The following FOXP1 variants were observed in gnomAD, a reference collection of about 807,000 sequenced individuals.
The protein encoded by FOXP1 is forkhead box protein P1.
In FOXP1, 15 loss-of-function variants were observed where a neutral mutation model predicts 98.2. The ratio of observed to expected loss-of-function variants is 0.15; its 90% CI spans 0.10 to 0.24. The LOEUF (loss-of-function observed/expected upper bound fraction) is 0.24, where lower values mean the gene tolerates loss of function less well. Ranked by LOEUF, FOXP1 falls within the 10% of genes least tolerant of loss-of-function variation. The pLI is 1.00. For missense variants in FOXP1, 633 were observed against 848.5 expected (o/e 0.75, Z 3.15); for synonymous variants, 371 against 314.5 (o/e 1.18, Z -1.90).
At chr3:71,258,007 AT>A (rs1279825617) in intron 5 of FOXP1, among the ~76,000 whole-genome samples, 2 of 152,188 alleles carry the variant, frequency 1.3e-5, no homozygotes, top group Non-Finnish European at 2.9e-5. Context: ...CCTCAACAAA[AT>A]GGTAATTGTT....
chr3:71,031,908 AGT>A (rs1264253429), intron 11 of FOXP1, among the ~76,000 whole-genome samples: 2 of 152,220 alleles, frequency 1.3e-5, no homozygotes, highest in African/African-American at 4.8e-5. Context: ...CTATGAACCA[AGT>A]GTGTTTCATG....
intron 3 of FOXP1, among the ~76,000 whole-genome samples, chr3:71,446,985 T>C (rs1337857472): frequency 6.6e-6 from 1 of 152,182 alleles, no homozygotes; most frequent in African/African-American, 2.4e-5. Context: ...ACTCAAACAC[T>C]AGGGAGTGGG....
chr3:71,365,419 C>T (rs376079989), intron 3 of FOXP1, among the ~76,000 whole-genome samples: 3 of 144,992 alleles, frequency 2.1e-5, no homozygotes, highest in African/African-American at 5.2e-5. Context: ...CATGCCATTC[C>T]GAACAAAAAT....
chr3:71,150,584 C>T (rs1251226386), intron 6 of FOXP1, among the ~76,000 whole-genome samples: 1 of 152,054 alleles, frequency 6.6e-6, no homozygotes, highest in Admixed American at 6.5e-5. Flanking sequence ...TCCAACTTCC[C>T]AAAGCACAAA....
At chr3:71,065,025 C>CCCGCGCCGAG (rs2052241033) in intron 7 of FOXP1, 1 of 142,608 alleles carries the variant, frequency 7.0e-6, no homozygotes. Flanking sequence ...CTCTAAACAC[C>CCCGCGCCGAG]CCGCGCCGCG....
At chr3:71,346,814 G>A (rs1229563336) in intron 4 of FOXP1, among the ~76,000 whole-genome samples, 1 of 152,066 alleles carries the variant, frequency 6.6e-6, no homozygotes, top group Non-Finnish European at 1.5e-5. Flanking sequence ...ATGAGGCCGA[G>A]GCGGGTGGAT....
Position 71,351,143 on chromosome 3 carries a change from G to A in FOXP1, c.-73+8007C>T, listed in dbSNP as rs148822066. Among the ~76,000 whole-genome samples the A allele has an allele frequency of 5.4e-3, 820 of 152,196 alleles. 10 individuals are homozygous for A. Among genetic ancestry groups the A allele is most frequent in the African/African-American group, 0.019 (795 of 41,510 alleles). ...TGAAAGGTTATCCTGCCACAAACAG[G>A]GAATCGCCTCCGTGAATGAATCCAA... On this transcript the variant is annotated intron_variant, in intron 4 of 20. Transcript: ENST00000649528.
chr3:71,515,165 A>G (rs2042472487), intron 2 of FOXP1, among the ~76,000 whole-genome samples: 1 of 152,058 alleles, frequency 6.6e-6, no homozygotes, highest in Admixed American at 6.5e-5. Context: ...CTCATAACCA[A>G]AACAGGCCTT....
rs1218324563 is a variant in FOXP1 at position 71,130,557 on chromosome 3, T to C, written c.181-17920A>G. 2.5e-6 allele frequency: 4 copies of C among 1,598,332 alleles called. No homozygotes were observed. The East Asian group carries it at 6.7e-5, about 27-fold the overall frequency. On this transcript the variant is annotated intron_variant, in intron 6 of 20. Transcript: ENST00000649528. ...ACTGTCTGCCTTTGGATTTCCGTCTTCTTGCTGTAGATGGGTTCTGGCTGT... is the reference window on the plus strand; with the variant it reads ...ACTGTCTGCCTTTGGATTTCCGTCTCCTTGCTGTAGATGGGTTCTGGCTGT...
chr3:71,146,442 T>A (rs1176588584), intron 6 of FOXP1, among the ~76,000 whole-genome samples: 1 of 152,040 alleles, frequency 6.6e-6, no homozygotes, highest in Non-Finnish European at 1.5e-5. Context: ...TCAAGGGAAA[T>A]ACTGTTGTCT....
chr3:71,486,841 T>C lies in FOXP1; in HGVS notation c.-168+6585A>G, dbSNP rs959887992. 2.0e-5 allele frequency among the ~76,000 whole-genome samples: 3 copies of C among 152,240 alleles called. No homozygotes were observed. In the South Asian group the frequency reaches 6.2e-4, roughly 32 times the overall value. The stretch of plus-strand genomic sequence containing the variant: ...CAACATGCAATGGAGTTTAAGTTCC[T>C]AGAATTTTACATCACGGAAGATATC... On this transcript the variant is annotated intron_variant, in intron 3 of 20. Transcript: ENST00000649528.
At chr3:71,446,080 AG>A (rs2086405266) in intron 3 of FOXP1, among the ~76,000 whole-genome samples, 1 of 144,002 alleles carries the variant, frequency 6.9e-6, no homozygotes, top group African/African-American at 2.5e-5. Flanking sequence ...TGAGTGAGTG[AG>A]TGAATGAATT....
At chr3:70,985,168 C>T (rs1406951553) in intron 14 of FOXP1, among the ~76,000 whole-genome samples, 1 of 152,170 alleles carries the variant, frequency 6.6e-6, no homozygotes, top group African/African-American at 2.4e-5. Context: ...TGAAAGTCCC[C>T]ATCTATGGTT....
At chr3:70,984,877 GAGTCCCACAATA>G (rs2039471721) in intron 14 of FOXP1, among the ~76,000 whole-genome samples, 2 of 152,294 alleles carry the variant, frequency 1.3e-5, no homozygotes, top group African/African-American at 4.8e-5. Flanking sequence ...CAAATCTGAT[GAGTCCCACAATA>G]AGATCCAGAA....
chr3:70,976,001 G>A (rs1276353479), intron 17 of FOXP1, among the ~76,000 whole-genome samples: 1 of 150,594 alleles, frequency 6.6e-6, no homozygotes, highest in Non-Finnish European at 1.5e-5. Flanking sequence ...ATATAATGAA[G>A]TTCGAAATCT....
chr3:71,002,793 T>C (rs1191852463), intron 12 of FOXP1, among the ~76,000 whole-genome samples: 1 of 152,174 alleles, frequency 6.6e-6, no homozygotes, highest in Non-Finnish European at 1.5e-5. Context: ...CCCAAGAGAC[T>C]TGCCTCAAAC....
intron 5 of FOXP1, among the ~76,000 whole-genome samples, chr3:71,216,441 A>C (rs2064936095): frequency 6.6e-6 from 1 of 152,202 alleles, no homozygotes; most frequent in Admixed American, 6.5e-5. Flanking sequence ...ATGTCCAAAC[A>C]GAATGGTTGA....
intron 4 of FOXP1, among the ~76,000 whole-genome samples, chr3:71,310,169 G>C (rs1245219332): frequency 6.6e-6 from 1 of 152,200 alleles, no homozygotes; most frequent in African/African-American, 2.4e-5. Context: ...CCGTGTGCTA[G>C]CAGGACTTGC....
intron 2 of FOXP1, among the ~76,000 whole-genome samples, chr3:71,496,117 A>G (rs1311174864): frequency 2.0e-5 from 3 of 152,256 alleles, no homozygotes; most frequent in Admixed American, 1.3e-4. Flanking sequence ...CAAAGATGGC[A>G]GCTAACTTTT....
Sources: allele counts gnomAD v4.1 joint callset (sites outside exome capture counted in the v4.1 genomes callset), GRCh38; gene constraint gnomAD v4.1.1; transcripts MANE v1.5; gene names NCBI Gene and HGNC (gene_info 2026-07-23, HGNC 2026-07-21).